The following UMAD1 variants were observed in gnomAD, a reference collection of about 807,000 sequenced individuals.
UMAD1 encodes the protein UBAP1-MVB12-associated (UMA) domain containing 1.
UMAD1 carries 8 observed loss-of-function variants against 6.1 expected under a neutral mutation model. That is an observed-to-expected ratio of 1.30 (90% CI 0.76 to 2.35). The LOEUF (loss-of-function observed/expected upper bound fraction) is 2.35, where lower values mean the gene tolerates loss of function less well. Ranked by LOEUF, UMAD1 falls within the 30% of genes most tolerant of loss-of-function variation. The pLI is 0.00. For missense variants in UMAD1, 130 were observed against 78.4 expected, an observed-to-expected ratio of 1.66 and a Z score of -2.49; for synonymous variants, 56 against 31.4, an observed-to-expected ratio of 1.78 and a Z score of -2.61.
At chr7:7,715,689 A>G (rs558723140) in intron 2 of UMAD1, among the ~76,000 whole-genome samples, 91 of 152,362 alleles carry the variant, frequency 6.0e-4, no homozygotes, top group African/African-American at 2.0e-3. Flanking sequence ...CCTAAAAGTC[A>G]TAGTTTTACC....
At chr7:7,760,790 G>A (rs1469470209) in intron 2 of UMAD1, among the ~76,000 whole-genome samples, 2 of 152,302 alleles carry the variant, frequency 1.3e-5, no homozygotes, top group Admixed American at 1.3e-4. Context: ...TTAAGGACAT[G>A]CTATGAAGGG....
intron 1 of UMAD1, among the ~76,000 whole-genome samples, chr7:7,656,062 C>G (rs927460840): frequency 6.6e-6 from 1 of 152,034 alleles, no homozygotes; most frequent in African/African-American, 2.4e-5. Flanking sequence ...CTCAAACTCT[C>G]AACCTCAGGT....
intron 2 of UMAD1, among the ~76,000 whole-genome samples, chr7:7,686,411 G>T (rs999637953): frequency 7.9e-5 from 12 of 151,914 alleles, no homozygotes; most frequent in Non-Finnish European, 1.5e-4. Context: ...TATGGGTTTT[G>T]TTTTTTTGTA....
intron 1 of UMAD1, among the ~76,000 whole-genome samples, chr7:7,652,141 G>A (rs1360081973): frequency 1.3e-5 from 2 of 152,166 alleles, no homozygotes; most frequent in Non-Finnish European, 2.9e-5. Flanking sequence ...ATTAAGCTCA[G>A]GCAGTGGGGA....
chr7:7,742,377 G>C, intron 2 of UMAD1: 2 of 590,472 alleles, frequency 3.4e-6, no homozygotes, highest in South Asian at 2.7e-5. Context: ...GGATATCTGG[G>C]CTGCCTCCGG....
intron 1 of UMAD1, among the ~76,000 whole-genome samples, chr7:7,664,591 CT>C (rs951279151): frequency 3.3e-5 from 5 of 152,196 alleles, no homozygotes; most frequent in East Asian, 3.8e-4. Context: ...ACCCACTATG[CT>C]TTTTGTTCAT....
chr7:7,791,670 A>T (rs1182982003), intron 2 of UMAD1, among the ~76,000 whole-genome samples: 1 of 152,210 alleles, frequency 6.6e-6, no homozygotes, highest in Non-Finnish European at 1.5e-5. Flanking sequence ...AGAACTAAGG[A>T]CATCAGTGAA....
At chr7:7,688,044 T>G (rs2115132743) in intron 2 of UMAD1, among the ~76,000 whole-genome samples, 1 of 152,312 alleles carries the variant, frequency 6.6e-6, no homozygotes, top group South Asian at 2.1e-4. Context: ...TTGCTGTTGC[T>G]ATGTTAGGGG....
At chr7:7,739,386 C>T (rs1181052657) in intron 2 of UMAD1, among the ~76,000 whole-genome samples, 1 of 152,160 alleles carries the variant, frequency 6.6e-6, no homozygotes, top group Non-Finnish European at 1.5e-5. Context: ...TCGTTACTAA[C>T]ACCTGCTCTT....
At chr7:7,789,801 A>C (rs1782534311) in intron 2 of UMAD1, among the ~76,000 whole-genome samples, 1 of 152,174 alleles carries the variant, frequency 6.6e-6, no homozygotes, top group South Asian at 2.1e-4. Context: ...TTAAAGCTAA[A>C]TAATATTCTA....
chr7:7,844,930 C>T (rs891562228), intron 3 of UMAD1, among the ~76,000 whole-genome samples: 1 of 152,126 alleles, frequency 6.6e-6, no homozygotes, highest in African/African-American at 2.4e-5. Flanking sequence ...GTAGAAAAGA[C>T]ATAGATAATT....
At chr7:7,671,933 TTCC>T (rs1452956230) in intron 1 of UMAD1, among the ~76,000 whole-genome samples, 1 of 152,212 alleles carries the variant, frequency 6.6e-6, no homozygotes, top group African/African-American at 2.4e-5. Context: ...CCATTTTGAA[TTCC>T]TTTTTTAAAA....
intron 3 of UMAD1, among the ~76,000 whole-genome samples, chr7:7,847,087 CAAAA>C (rs1190292068): frequency 0.033 from 203 of 6,196 alleles, 9 homozygotes; most frequent in Non-Finnish European, 0.035. Flanking sequence ...GACAGCAATG[CAAAA>C]AAAAAAAAAA....
At chr7:7,834,682 A>G (rs78341804) in intron 3 of UMAD1, among the ~76,000 whole-genome samples, 5,227 of 151,778 alleles carry the variant, frequency 0.034, 303 homozygotes, top group African/African-American at 0.12. Flanking sequence ...TGAGGGCCCT[A>G]CCCTTATGAA....
intron 1 of UMAD1, among the ~76,000 whole-genome samples, chr7:7,655,171 C>G (rs996444282): frequency 2.0e-5 from 3 of 152,032 alleles, no homozygotes; most frequent in Admixed American, 6.6e-5. Flanking sequence ...CAAATGATGC[C>G]TCTGGCCTGC....
intron 3 of UMAD1, among the ~76,000 whole-genome samples, chr7:7,876,950 A>G (rs905808880): frequency 1.3e-5 from 2 of 152,240 alleles, no homozygotes; most frequent in African/African-American, 2.4e-5. Flanking sequence ...GCAGCTGAGA[A>G]TTTAGCAGAG....
intron 2 of UMAD1, among the ~76,000 whole-genome samples, chr7:7,762,879 A>G (rs1402758220): frequency 6.6e-6 from 1 of 152,226 alleles, no homozygotes; most frequent in African/African-American, 2.4e-5. Flanking sequence ...TAATGGATTT[A>G]ATTTAAAATG....
Position 7,673,344 on chromosome 7 carries a change from A to G in UMAD1, c.-28A>G, listed in dbSNP as rs1238010261. On this transcript the variant is annotated 5_prime_UTR_variant, in exon 2 of 4. Transcript: ENST00000682710. ...CAGCAGCAGCAGCAGCAGCAGCAGCAGCAGCAGCAGCAGCAGCAGCAGCAG... is the reference window on the plus strand; with the variant it reads ...CAGCAGCAGCAGCAGCAGCAGCAGCGGCAGCAGCAGCAGCAGCAGCAGCAG... The G allele has an allele frequency of 1.6e-6, 2 of 1,271,142 alleles. No homozygotes were observed. The highest frequency in any genetic ancestry group is 2.2e-6 in the Non-Finnish European group (2 of 903,270). 78.7% of individuals were successfully genotyped at this position (1,271,142 alleles called of 1,614,324 possible). A position where few individuals can be genotyped will look rare whatever the true frequency, so the allele number is the denominator to read the frequency against.
chr7:7,721,885 C>G (rs930454573), intron 2 of UMAD1, among the ~76,000 whole-genome samples: 1 of 152,214 alleles, frequency 6.6e-6, no homozygotes, highest in South Asian at 2.1e-4. Flanking sequence ...GAAAGGCAGA[C>G]CCACCCTTAA....
Sources: allele counts gnomAD v4.1 joint callset (sites outside exome capture counted in the v4.1 genomes callset), GRCh38; gene constraint gnomAD v4.1.1; transcripts MANE v1.5; gene names NCBI Gene and HGNC (gene_info 2026-07-23, HGNC 2026-07-21).